CCDC197: variants seen among roughly 807,000 people sequenced by gnomAD.
CCDC197 encodes the protein coiled-coil domain containing 197, also known as uncharacterized protein CCDC197.
A neutral mutation model predicts 13.4 loss-of-function variants in CCDC197; 24 were observed. The ratio of observed to expected loss-of-function variants is 1.80; its 90% CI spans 1.30 to 2.53. The LOEUF (loss-of-function observed/expected upper bound fraction) is 2.53, where lower values mean the gene tolerates loss of function less well. Among genes scored for constraint, CCDC197 ranks in the 30% most tolerant of loss-of-function variants. The pLI is 0.00. For synonymous variants in CCDC197, 99 were observed against 55.5 expected, an observed-to-expected ratio of 1.78 and a Z score of -3.48; for missense variants, 255 against 148.8, an observed-to-expected ratio of 1.71 and a Z score of -3.71.
At chr14:94,010,977 CA>C (rs1424759975), downstream of CCDC197, among the ~76,000 whole-genome samples, 1 of 152,230 alleles carries the variant, frequency 6.6e-6, no homozygotes, top group Non-Finnish European at 1.5e-5. Flanking sequence ...CTAGAATCTG[CA>C]TTTCTAACAA....
intron 6 of CCDC197, among the ~76,000 whole-genome samples, chr14:94,007,805 A>G (rs2141390845): frequency 6.6e-6 from 1 of 152,316 alleles, no homozygotes; most frequent in East Asian, 1.9e-4. Flanking sequence ...AACACGGGAT[A>G]CTTAGCTCCC....
chr14:94,008,892 T>G, downstream of CCDC197: 11 of 641,956 alleles, frequency 1.7e-5, no homozygotes, highest in Non-Finnish European at 2.3e-5. Context: ...CCAACATCTC[T>G]AAGCCAGTGG....
At chr14:94,004,190 C>T (rs1890616067) in intron 5 of CCDC197, among the ~76,000 whole-genome samples, 3 of 152,178 alleles carry the variant, frequency 2.0e-5, no homozygotes, top group African/African-American at 7.2e-5. Flanking sequence ...GGTCTGGTCA[C>T]CCCTGGACCC....
chr14:93,989,419 C>T (rs558763768), intron 1 of CCDC197, among the ~76,000 whole-genome samples: 4 of 152,248 alleles, frequency 2.6e-5, no homozygotes, highest in African/African-American at 9.6e-5. Context: ...ATGCCTCTCC[C>T]TAGAGCAGAT....
chr14:94,002,795 G>A (rs1013969513), intron 4 of CCDC197, among the ~76,000 whole-genome samples: 1 of 144,814 alleles, frequency 6.9e-6, no homozygotes, highest in Non-Finnish European at 1.5e-5. Context: ...GGAGGTCGCA[G>A]TAAGCCAAGA....
chr14:93,994,525 G>T (rs899296637), upstream of CCDC197, among the ~76,000 whole-genome samples: 2 of 152,208 alleles, frequency 1.3e-5, no homozygotes, highest in African/African-American at 4.8e-5. Flanking sequence ...CTCTTTAGGG[G>T]CCTGGGTGGG....
chr14:93,994,156 A>C (rs1022573561), upstream of CCDC197, among the ~76,000 whole-genome samples: 3 of 152,234 alleles, frequency 2.0e-5, no homozygotes, highest in Admixed American at 6.5e-5. Context: ...ACCTGGGTCC[A>C]CATCCCAGCG....
chr14:94,008,564 A>C (rs757066134), intron 6 of CCDC197, 45 bp from the exon 7 acceptor site: 40 of 688,684 alleles, frequency 5.8e-5, no homozygotes, highest in South Asian at 5.6e-4. Flanking sequence ...AGCAGCGTCC[A>C]GAGGCCAAAA....
intron 5 of CCDC197, among the ~76,000 whole-genome samples, chr14:94,004,001 T>A (rs1005194388): frequency 2.6e-5 from 4 of 152,216 alleles, no homozygotes; most frequent in Admixed American, 2.6e-4. Flanking sequence ...GTCTCTCTGA[T>A]CAGAGAGTCT....
chr14:94,000,931 G>A (rs1024866385), intron 3 of CCDC197: 23 of 423,626 alleles, frequency 5.4e-5, no homozygotes, highest in Non-Finnish European at 9.4e-5. Flanking sequence ...ACTTTCCAAG[G>A]TTGAGGATTC....
At position 94,008,761 on chromosome 14, in the gene CCDC197, C is replaced by T. The variant is rs565228013; in HGVS notation, c.768C>T (p.Pro256=). The part of the protein sequence containing the change: ...RKCPRRRVST[P]RTPFPSPHAS... ...GTCCAAGGAGGCGGGTTTCCACCCC[C>T]AGGACCCCCTTTCCCAGCCCCCATG... Residue 256 remains proline, a synonymous_variant, in exon 7 of 7, where the codon CCC becomes CCT. Coordinates refer to ENST00000636493, the MANE Select transcript of CCDC197 (RefSeq NM_001351596.2). 2.3e-3 allele frequency: 1,604 copies of T among 702,700 alleles called. 4 individuals are homozygous for T. Among genetic ancestry groups the T allele is most frequent in the Non-Finnish European group, 3.6e-3 (1,377 of 385,008 alleles). 43.5% of individuals were successfully genotyped at this position (702,700 alleles called of 1,614,324 possible).
Position 93,998,758 on chromosome 14 carries a change from T to C in CCDC197, c.104+523T>C, listed in dbSNP as rs1439557647. Among the ~76,000 whole-genome samples the C allele has an allele frequency of 2.6e-5, 4 of 152,260 alleles. 1 individual carries two copies. The highest frequency in any genetic ancestry group is 2.6e-4 in the Admixed American group (4 of 15,286). Reference sequence around the variant, plus strand: ...CTGATCCCAATACGGTTTAGCACTGTCACGGCTCACAGGGCCCCACGTGGT... The same window carrying C: ...CTGATCCCAATACGGTTTAGCACTGCCACGGCTCACAGGGCCCCACGTGGT... On this transcript the variant is annotated intron_variant, in intron 2 of 6. Transcript: ENST00000636493.
At position 93,998,119 on chromosome 14, in the gene CCDC197, C is replaced by A. The variant is rs200856045; in HGVS notation, c.-13C>A. On this transcript the variant is annotated 5_prime_UTR_variant, in exon 2 of 7. Transcript: ENST00000636493. ...GTCTCCTGTCCTCCTGCATAGCTTGCGGTGGTGAGGTGATGGCAGCCATGG... is the reference window on the plus strand; with the variant it reads ...GTCTCCTGTCCTCCTGCATAGCTTGAGGTGGTGAGGTGATGGCAGCCATGG... 4.4e-5 allele frequency: 34 copies of A among 780,292 alleles called. No homozygotes were observed. The East Asian group carries it at 7.3e-4, about 17-fold the overall frequency. 48.3% of individuals were successfully genotyped at this position (780,292 alleles called of 1,614,324 possible).
intron 6 of CCDC197, among the ~76,000 whole-genome samples, chr14:94,005,675 A>G (rs571473752): frequency 2.6e-4 from 39 of 152,368 alleles, no homozygotes; most frequent in Non-Finnish European, 4.7e-4. Flanking sequence ...AGTATAGTCA[A>G]AATTGCACAG....
At chr14:94,002,227 T>TCTCTCTCTTTCTTTCTTTCC (rs1357883754) in intron 4 of CCDC197, among the ~76,000 whole-genome samples, 2 of 152,124 alleles carry the variant, frequency 1.3e-5, no homozygotes, top group Non-Finnish European at 2.9e-5. Flanking sequence ...TCTGTCTTTC[T>TCTCTCTCTTTCTTTCTTTCC]CTCTCTCTTT....
At chr14:94,006,681 G>T (rs1890690071) in intron 6 of CCDC197, among the ~76,000 whole-genome samples, 2 of 151,984 alleles carry the variant, frequency 1.3e-5, no homozygotes, top group African/African-American at 4.8e-5. Flanking sequence ...TAGTTGAGTT[G>T]TAAGAATTCT....
At chr14:93,998,315 G>A (rs1567042058) in intron 2 of CCDC197, 80 bp downstream of exon 2, 8 of 722,066 alleles carry the variant, frequency 1.1e-5, no homozygotes, top group South Asian at 5.9e-5. Context: ...TAGCAAACAT[G>A]TCCCCGAGGA....
At chr14:93,999,738 G>A (rs766137268) in intron 3 of CCDC197, 73 bp downstream of exon 3, 20 of 763,730 alleles carry the variant, frequency 2.6e-5, no homozygotes, top group Non-Finnish European at 4.4e-5. Context: ...GCGACACCGT[G>A]TGTGGCCTCA....
rs1396346621 is a variant in CCDC197, at chr14:94,008,840, C to T, written c.*28C>T. ...AGCCTGCGCCTTGCAGGCCCCATGG[C>T]ATCACGACCTCTCCTTACCTGCCTG... On this transcript the variant is annotated 3_prime_UTR_variant, in exon 7 of 7. Transcript: ENST00000636493. The T allele has an allele frequency of 4.4e-6, 3 of 684,594 alleles. No homozygotes were observed. Among genetic ancestry groups the T allele is most frequent in the Non-Finnish European group, 8.1e-6 (3 of 372,072 alleles). The allele number at this position is 684,594 out of a possible 1,614,324, so 42.4% of individuals were successfully genotyped here. A position where few individuals can be genotyped will look rare whatever the true frequency, so the allele number is the denominator to read the frequency against.
Sources: allele counts gnomAD v4.1 joint callset (sites outside exome capture counted in the v4.1 genomes callset), GRCh38; gene constraint gnomAD v4.1.1; transcripts MANE v1.5; gene names NCBI Gene and HGNC (gene_info 2026-07-23, HGNC 2026-07-21).